USP48: variants seen among roughly 807,000 people sequenced by gnomAD.
USP48 encodes ubiquitin carboxyl-terminal hydrolase 48.
Under a neutral mutation model 150.7 loss-of-function variants are expected in USP48, and 43 were observed. The observed-to-expected ratio is 0.29, with a 90% CI of 0.22 to 0.37. The LOEUF is 0.37. Ranked by LOEUF, USP48 falls within the 10% of genes least tolerant of loss-of-function variation. USP48 has a pLI of 1.00. For synonymous variants in USP48, 396 were observed against 425.9 expected, an observed-to-expected ratio of 0.93 and a Z score of 0.86; for missense variants, 813 against 1,249.6, an observed-to-expected ratio of 0.65 and a Z score of 5.27.
At chr1:21,716,005 C>T (rs1284352736) in intron 14 of USP48, among the ~76,000 whole-genome samples, 1 of 152,182 alleles carries the variant, frequency 6.6e-6, no homozygotes, top group Non-Finnish European at 1.5e-5. Flanking sequence ...GTCTTCCACC[C>T]ACAAGTTTAA....
intron 14 of USP48, among the ~76,000 whole-genome samples, chr1:21,717,435 CAAAT>C (rs1055615377): frequency 1.9e-5 from 2 of 102,916 alleles, no homozygotes; most frequent in East Asian, 2.4e-4. Flanking sequence ...AAAAACAAAA[CAAAT>C]AAAAAAAAAC....
intron 15 of USP48, among the ~76,000 whole-genome samples, chr1:21,707,866 C>T (rs942778127): frequency 7.2e-5 from 11 of 152,084 alleles, no homozygotes; most frequent in Non-Finnish European, 1.5e-4. Context: ...AGCTGGGATA[C>T]GAAACCAGGT....
intron 3 of USP48, among the ~76,000 whole-genome samples, chr1:21,754,280 G>A (rs923421436): frequency 2.6e-5 from 4 of 152,170 alleles, no homozygotes; most frequent in Non-Finnish European, 5.9e-5. Context: ...AGCAACAACA[G>A]CAATCATGAC....
At chr1:21,698,612 G>T (rs1205508361) in intron 22 of USP48, among the ~76,000 whole-genome samples, 1 of 152,190 alleles carries the variant, frequency 6.6e-6, no homozygotes, top group East Asian at 1.9e-4. Context: ...TAAGAACATT[G>T]TGTCAAGTTT....
At chr1:21,680,699 G>A (rs898042943) in intron 26 of USP48, 109 bp downstream of exon 26, 6 of 1,061,838 alleles carry the variant, frequency 5.7e-6, no homozygotes, top group Admixed American at 2.8e-5. Context: ...TTTCAGTCAT[G>A]AGACTCAGAT....
chr1:21,721,494 T>C (rs1355874834), intron 13 of USP48, among the ~76,000 whole-genome samples, 156 bp downstream of exon 13: 2 of 152,236 alleles, frequency 1.3e-5, no homozygotes, highest in Admixed American at 1.3e-4. Flanking sequence ...GGGGCAGTCA[T>C]TGCAAAATTT....
chr1:21,741,971 C>T (rs1265498925), intron 8 of USP48, among the ~76,000 whole-genome samples: 3 of 151,678 alleles, frequency 2.0e-5, no homozygotes, highest in Non-Finnish European at 4.4e-5. Context: ...GCAAGACCAT[C>T]TTAAAATAAT....
rs369307363 is a variant in USP48, at chr1:21,757,575, T to C, written c.255+88A>G. ...AGCTGCACAGGTTACCTGAAATCAGTAGAGTTTTCTGATCACAGGCCCAAA... is the reference window on the plus strand; with the variant it reads ...AGCTGCACAGGTTACCTGAAATCAGCAGAGTTTTCTGATCACAGGCCCAAA... On this transcript the variant is annotated intron_variant, in intron 2 of 26. Transcript: ENST00000308271. The C allele has an allele frequency of 1.3e-3, 1,824 of 1,434,306 alleles. 43 individuals carry two copies. In the South Asian group the frequency reaches 0.023, roughly 18 times the overall value. The allele number at this position is 1,434,306 out of a possible 1,614,324, so 88.8% of individuals were successfully genotyped here.
intron 8 of USP48, among the ~76,000 whole-genome samples, chr1:21,738,560 G>A (rs910288946): frequency 6.0e-5 from 9 of 151,084 alleles, no homozygotes; most frequent in Admixed American, 4.0e-4. Context: ...GTTTCACCAC[G>A]TTGGCCAAGC....
intron 25 of USP48, among the ~76,000 whole-genome samples, chr1:21,683,695 GAAATAT>G (rs2097572991): frequency 6.6e-6 from 1 of 152,122 alleles, no homozygotes; most frequent in Non-Finnish European, 1.5e-5. Context: ...TAGCTCTTTT[GAAATAT>G]ACAACATATC....
At chr1:21,726,461 C>A (rs1200882610) in intron 11 of USP48, 1 of 152,184 alleles carries the variant, frequency 6.6e-6, no homozygotes, top group Non-Finnish European at 1.5e-5. Context: ...AGAGAACAGG[C>A]CTATAATTCT....
chr1:21,736,526 C>A lies in USP48; in HGVS notation c.1091G>T (p.Gly364Val), dbSNP rs569288706. ...YIAHVKDPQS[G>V]EWYKFNDEDI... ...TTCATCATTAAACTTATACCATTCACCAGACTGTGGATCTTTCACGTGGGC... is the reference window on the plus strand; with the variant it reads ...TTCATCATTAAACTTATACCATTCAACAGACTGTGGATCTTTCACGTGGGC... Residue 364 changes from glycine (G) to valine (V), a missense_variant, in exon 9 of 27, where the codon GGT (glycine) becomes GTT (valine). By Grantham distance (109) the Gly-to-Val change is moderately radical (BLOSUM62 -3). Transcript: ENST00000308271. 1 of 1,602,614 alleles carries A rather than the reference C, an allele frequency of 6.2e-7. No homozygotes were observed. The highest frequency in any genetic ancestry group is 1.3e-5 in the African/African-American group (1 of 74,150).
chr1:21,699,708 GT>G (rs1557442328), intron 22 of USP48, among the ~76,000 whole-genome samples: 1 of 151,690 alleles, frequency 6.6e-6, no homozygotes, highest in Admixed American at 6.6e-5. Flanking sequence ...GTAGAGACGG[GT>G]TTCACTATGT....
At chr1:21,773,847 T>C (rs143052180) in intron 1 of USP48, among the ~76,000 whole-genome samples, 2 of 151,966 alleles carry the variant, frequency 1.3e-5, no homozygotes, top group Non-Finnish European at 2.9e-5. Flanking sequence ...TTAAATAAAT[T>C]ATAATGAAGG....
rs139458629 is a variant in USP48, at chr1:21,751,610, T to C, written c.671A>G (p.Asn224Ser). The C allele has an allele frequency of 6.1e-5, 98 of 1,613,296 alleles. No homozygotes were observed. The African/African-American group carries it at 1.0e-3, about 17-fold the overall frequency. ...AAGCTTAGACTCTCTGCCACACTGG[T>C]TGCAACTATAATAAAACAGAACGAC... ...CGEYAYVTVC[N>S]QCGRESKLLS... is the part of the protein sequence containing the mutation. Residue 224 changes from asparagine (N) to serine (S), a missense_variant, in exon 6 of 27, where the codon AAC becomes AGC. Transcript: ENST00000308271.
At position 21,680,923 on chromosome 1, in the gene USP48, T is replaced by C; in HGVS notation, c.3059-89A>G. 6 of 1,025,400 alleles carry C rather than the reference T, an allele frequency of 5.9e-6. No individual in the cohort carries two copies. In the South Asian group the frequency reaches 7.5e-5, roughly 13 times the overall value. 63.5% of individuals were successfully genotyped at this position (1,025,400 alleles called of 1,614,324 possible). A position where few individuals can be genotyped will look rare whatever the true frequency, so the allele number is the denominator to read the frequency against. ...ATTTCAATGCTTAAAGACAAAAGTT[T>C]AAAATAACTTTTGATTACCTTTGTC... On this transcript the variant is annotated intron_variant, in intron 25 of 26. Coordinates refer to ENST00000308271, the MANE Select transcript of USP48 (RefSeq NM_032236.8).
chr1:21,752,591 T>G lies in USP48; in HGVS notation c.601A>C (p.Lys201Gln). 6.2e-7 allele frequency: 1 copy of G among 1,613,692 alleles called. No homozygotes were observed. Among genetic ancestry groups the G allele is most frequent in the Non-Finnish European group, 8.5e-7 (1 of 1,179,930 alleles). Residue 201 changes from lysine to glutamine, a missense_variant, in exon 5 of 27, where the codon AAG becomes CAG. By Grantham distance (53) the Lys-to-Gln change is moderately conservative (BLOSUM62 1). Coordinates refer to ENST00000308271, the MANE Select transcript of USP48 (RefSeq NM_032236.8). ...SLLEDTLSKQ[K>Q]NPDVRNIVQQ... ...ACAATATTGCGCACATCTGGATTCT[T>G]TTGTTTAGACAAAGTATCTTCCAAT... is the stretch of plus-strand genomic sequence containing the variant.
intron 6 of USP48, among the ~76,000 whole-genome samples, chr1:21,750,152 C>T (rs2097805901): frequency 6.6e-6 from 1 of 152,148 alleles, no homozygotes; most frequent in Non-Finnish European, 1.5e-5. Flanking sequence ...TTACTAGGCC[C>T]TCTCTGATAT....
intron 1 of USP48, among the ~76,000 whole-genome samples, chr1:21,771,395 A>C (rs1468530345): frequency 6.7e-6 from 1 of 149,030 alleles, no homozygotes; most frequent in Admixed American, 6.7e-5. Context: ...AATTATTATT[A>C]ATTATTAATA....
Sources: allele counts gnomAD v4.1 joint callset (sites outside exome capture counted in the v4.1 genomes callset), GRCh38; gene constraint gnomAD v4.1.1; transcripts MANE v1.5; gene names NCBI Gene and HGNC (gene_info 2026-07-23, HGNC 2026-07-21).